Variants in TUBGCP5 observed in about 807,000 individuals in gnomAD.
The protein encoded by TUBGCP5 is tubulin gamma complex component 5.
TUBGCP5 carries 98 observed loss-of-function variants against 134.7 expected under a neutral mutation model. That is an observed-to-expected ratio of 0.73 (90% confidence interval 0.62 to 0.86). TUBGCP5 has a LOEUF of 0.86. Ranked by LOEUF, TUBGCP5 falls within the 40% of genes least tolerant of loss-of-function variation. TUBGCP5 has a pLI of 0.00. For synonymous variants in TUBGCP5, 456 were observed against 431.4 expected, an observed-to-expected ratio of 1.06 and a Z score of -0.71; for missense variants, 1,150 against 1,244.8, an observed-to-expected ratio of 0.92 and a Z score of 1.15.
chr15:23,003,173 A>G lies in TUBGCP5; in HGVS notation c.2839-20T>C. ...GCTGACCTGCAGACCAAAGTCACAGAACACAAACTGTGTAACTAGGTTTGG... is the reference window on the plus strand; with the variant it reads ...GCTGACCTGCAGACCAAAGTCACAGGACACAAACTGTGTAACTAGGTTTGG... On this transcript the variant is annotated intron_variant, in intron 20 of 22. Coordinates refer to ENST00000615383, the MANE Select transcript of TUBGCP5 (RefSeq NM_052903.6). The G allele has an allele frequency of 6.2e-7, 1 of 1,610,996 alleles. No homozygotes were observed. The highest frequency in any genetic ancestry group is 2.2e-5 in the East Asian group (1 of 44,874).
rs1217618725 is a variant in TUBGCP5 at position 23,027,197 on chromosome 15, A to G, written c.732T>C (p.Ala244=). ...HSLHLHSNLA[A]VWDQHLYSSD... Reference sequence around the variant, plus strand: ...TGAAAACTTTAGCTTCTTACCAGACAGCAGCTAAATTAGAGTGCAAATGTA... The same window carrying G: ...TGAAAACTTTAGCTTCTTACCAGACGGCAGCTAAATTAGAGTGCAAATGTA... The change falls in exon 7 of 23, where the codon GCT becomes GCC. Residue 244 remains alanine (A), a synonymous_variant. Transcript: ENST00000615383. The G allele has an allele frequency of 6.2e-7, 1 of 1,611,104 alleles. No individual in the cohort carries two copies. Among genetic ancestry groups the G allele is most frequent in the South Asian group, 1.1e-5 (1 of 90,442 alleles).
In TUBGCP5 at chr15:23,006,050, AC is replaced by A; in HGVS notation, c.2533+1del. Reference sequence around the variant, plus strand: ...AATTTATCTGCTGAAAACAAATCTTACCACCAAAAAGTAAAACATCCAGACT... The same window carrying A: ...AATTTATCTGCTGAAAACAAATCTTACACCAAAAAGTAAAACATCCAGACT... On this transcript the variant is annotated splice_donor_variant, in intron 18 of 22. Coordinates refer to ENST00000615383, the MANE Select transcript of TUBGCP5 (RefSeq NM_052903.6). LOFTEE classifies it high-confidence loss of function. 1.3e-6 allele frequency: 2 copies of A among 1,590,454 alleles called. No homozygotes were observed. Among genetic ancestry groups the A allele is most frequent in the Middle Eastern group, 1.7e-4 (1 of 5,770 alleles).
intron 1 of TUBGCP5, 93 bp downstream of exon 1, chr15:23,039,305 C>T (rs967819960): frequency 1.6e-6 from 2 of 1,217,862 alleles, no homozygotes; most frequent in Non-Finnish European, 2.1e-6. Context: ...GCCCCATGCC[C>T]TGCCCCAGCG....
At chr15:23,039,335 G>A in intron 1 of TUBGCP5, 63 bp downstream of exon 1, 1 of 1,299,100 alleles carries the variant, frequency 7.7e-7, no homozygotes, top group Non-Finnish European at 9.9e-7. Flanking sequence ...CCCGGGCTGT[G>A]CGGGACCCAC....
chr15:23,000,486 T>G, intron 22 of TUBGCP5, 83 bp downstream of exon 22: 1 of 1,550,256 alleles, frequency 6.5e-7, no homozygotes, highest in African/African-American at 1.4e-5. Context: ...TAATTCTTCA[T>G]GGGATCAGTA....
At chr15:23,019,835 A>C (rs562192137) in intron 11 of TUBGCP5, among the ~76,000 whole-genome samples, 1 of 152,090 alleles carries the variant, frequency 6.6e-6, no homozygotes, top group Non-Finnish European at 1.5e-5. Context: ...AAACTCACCT[A>C]AATATGGGAT....
chr15:23,009,833 G>T, intron 15 of TUBGCP5, 112 bp downstream of exon 15: 1 of 883,232 alleles, frequency 1.1e-6, no homozygotes, highest in Non-Finnish European at 1.6e-6. Context: ...ATTGTTTACT[G>T]TATATCCATT....
At chr15:23,016,507 A>AG (rs2065329100) in intron 13 of TUBGCP5, among the ~76,000 whole-genome samples, 1 of 151,954 alleles carries the variant, frequency 6.6e-6, no homozygotes. Flanking sequence ...GAAAAAAAAA[A>AG]AAAAAAGGCA....
intron 6 of TUBGCP5, among the ~76,000 whole-genome samples, chr15:23,028,441 A>G (rs2066107098): frequency 6.6e-6 from 1 of 152,046 alleles, no homozygotes; most frequent in South Asian, 2.1e-4. Context: ...TGTACTAAAA[A>G]ATAACATGAT....
chr15:23,025,900 C>A (rs1227090718), intron 8 of TUBGCP5, among the ~76,000 whole-genome samples: 2 of 151,466 alleles, frequency 1.3e-5, no homozygotes, highest in African/African-American at 4.8e-5. Flanking sequence ...GATGGGCTAA[C>A]CTAAGTAAAT....
At chr15:23,008,521 G>C in intron 16 of TUBGCP5, 178 bp downstream of exon 16, 1 of 762,014 alleles carries the variant, frequency 1.3e-6, no homozygotes, top group South Asian at 1.6e-5. Flanking sequence ...GCCTCCCAAA[G>C]TGCTGGCATT....
At chr15:22,984,098 C>T (rs1388562169) in intron 23 of TUBGCP5, among the ~76,000 whole-genome samples, 7 of 151,082 alleles carry the variant, frequency 4.6e-5, no homozygotes, top group African/African-American at 9.7e-5. Flanking sequence ...CCAGGCTGGG[C>T]GACAGAGCAT....
intron 3 of TUBGCP5, 95 bp from the exon 4 acceptor site, chr15:23,032,919 A>G (rs2066396166): frequency 3.4e-6 from 3 of 880,838 alleles, no homozygotes; most frequent in Non-Finnish European, 3.3e-6. Context: ...TTATGTCCCC[A>G]ATTTTTTTCC....
chr15:22,997,719 G>C (rs773980613), downstream of TUBGCP5, among the ~76,000 whole-genome samples: 2 of 151,432 alleles, frequency 1.3e-5, no homozygotes, highest in Non-Finnish European at 2.9e-5. Context: ...CCAGGTTCAA[G>C]CAATTCTCTG....
intron 18 of TUBGCP5, 24 bp downstream of exon 18, chr15:23,006,028 T>A: frequency 6.3e-7 from 1 of 1,576,900 alleles, no homozygotes; most frequent in Non-Finnish European, 8.6e-7. Flanking sequence ...AAATTACAAT[T>A]TATCTGCTGA....
At chr15:23,036,126 C>G (rs917199020) in intron 3 of TUBGCP5, among the ~76,000 whole-genome samples, 1 of 152,196 alleles carries the variant, frequency 6.6e-6, no homozygotes, top group African/African-American at 2.4e-5. Flanking sequence ...TGTTTCCATA[C>G]GCTTGCCATC....
chr15:23,021,666 C>T (rs1420811057), intron 11 of TUBGCP5, among the ~76,000 whole-genome samples: 12 of 152,192 alleles, frequency 7.9e-5, no homozygotes, highest in Admixed American at 7.9e-4. Context: ...TATCTCATGT[C>T]ATGTTAGTTA....
chr15:23,009,863 G>T, intron 15 of TUBGCP5, 82 bp downstream of exon 15: 1 of 1,311,482 alleles, frequency 7.6e-7, no homozygotes. Context: ...AATAAAAATT[G>T]AAATAGGTTT....
chr15:23,005,476 G>A lies in TUBGCP5; in HGVS notation c.2668C>T (p.Leu890Phe). The A allele has an allele frequency of 6.2e-7, 1 of 1,614,166 alleles. No homozygotes were observed. Among genetic ancestry groups the A allele is most frequent in the Non-Finnish European group, 8.5e-7 (1 of 1,180,026 alleles). The change falls in exon 19 of 23, where the codon CTC becomes TTC. Residue 890 changes from leucine (L) to phenylalanine (F), a missense_variant. Transcript: ENST00000615383. ...IHRMFLLRVKLMHFVNSLHNY... is the reference protein window; with the variant it reads ...IHRMFLLRVKFMHFVNSLHNY... ...TGCAAGCTGTTCACGAAATGCATGAGCTTCACTCTTAAGAGGAACATGCGA... is the reference window on the plus strand; with the variant it reads ...TGCAAGCTGTTCACGAAATGCATGAACTTCACTCTTAAGAGGAACATGCGA...
Sources: allele counts gnomAD v4.1 joint callset (sites outside exome capture counted in the v4.1 genomes callset), GRCh38; gene constraint gnomAD v4.1.1; transcripts MANE v1.5; gene names NCBI Gene and HGNC (gene_info 2026-07-23, HGNC 2026-07-21).